ASTN2: variants seen among roughly 807,000 people sequenced by gnomAD.
ASTN2 encodes the protein astrotactin 2.
Under a neutral mutation model 139.8 loss-of-function variants are expected in ASTN2, and 54 were observed. That is an observed-to-expected ratio of 0.39 (90% CI 0.31 to 0.48). The LOEUF (loss-of-function observed/expected upper bound fraction) is 0.48. Ranked by LOEUF, ASTN2 falls within the 20% of genes least tolerant of loss-of-function variation. The probability of loss-of-function intolerance (pLI) is 0.95; values close to 1 mark genes in which losing one functional copy is unlikely to be tolerated. For synonymous variants in ASTN2, 756 were observed against 719.5 expected (o/e 1.05, Z -0.81); for missense variants, 1,565 against 1,725.1 (o/e 0.91, Z 1.64).
intron 2 of ASTN2, among the ~76,000 whole-genome samples, chr9:117,219,003 C>A (rs1336301032): frequency 1.3e-5 from 2 of 152,088 alleles, no homozygotes; most frequent in Non-Finnish European, 1.5e-5. Context: ...TTCATGGTAC[C>A]CCCTATAGGC....
intron 19 of ASTN2, among the ~76,000 whole-genome samples, chr9:116,515,486 G>A (rs59742739): frequency 1.3e-5 from 2 of 152,126 alleles, no homozygotes. Context: ...CTTTGATCAG[G>A]ACCAGGTTGC....
At chr9:116,739,684 A>T (rs915221915) in intron 13 of ASTN2, among the ~76,000 whole-genome samples, 1 of 152,202 alleles carries the variant, frequency 6.6e-6, no homozygotes, top group African/African-American at 2.4e-5. Context: ...CTTGTTGGAC[A>T]CCTGTCTTTC....
intron 4 of ASTN2, among the ~76,000 whole-genome samples, chr9:117,128,623 G>A (rs1829758808): frequency 1.3e-5 from 2 of 152,140 alleles, no homozygotes; most frequent in East Asian, 1.9e-4. Context: ...TGCCATCTTT[G>A]TTTCAAAGTT....
intron 10 of ASTN2, among the ~76,000 whole-genome samples, chr9:116,947,195 G>A (rs977577502): frequency 7.9e-5 from 12 of 152,180 alleles, no homozygotes; most frequent in African/African-American, 2.2e-4. Context: ...CCTGTTGGAC[G>A]TGGGGCATTT....
At chr9:116,464,349 T>C (rs1332053233) in intron 20 of ASTN2, among the ~76,000 whole-genome samples, 1 of 152,126 alleles carries the variant, frequency 6.6e-6, no homozygotes. Flanking sequence ...TTTGTGAGGA[T>C]TATTTGTTTG....
chr9:117,283,633 T>A (rs765698607), intron 2 of ASTN2, among the ~76,000 whole-genome samples: 1 of 152,182 alleles, frequency 6.6e-6, no homozygotes, highest in South Asian at 2.1e-4. Context: ...GACACATAAC[T>A]ATTTGTGCTG....
intron 10 of ASTN2, among the ~76,000 whole-genome samples, chr9:116,903,896 G>T (rs1387944449): frequency 6.6e-6 from 1 of 152,174 alleles, no homozygotes; most frequent in East Asian, 1.9e-4. Flanking sequence ...GCAAGAAGGG[G>T]CCAGCTCTCA....
intron 10 of ASTN2, among the ~76,000 whole-genome samples, chr9:116,883,541 A>G (rs1833510765): frequency 1.3e-5 from 2 of 152,188 alleles, no homozygotes; most frequent in African/African-American, 4.8e-5. Flanking sequence ...TTTTGAGTTA[A>G]GGTGTCTTGT....
chr9:116,567,041 T>G (rs769126977), intron 19 of ASTN2, among the ~76,000 whole-genome samples: 1 of 152,220 alleles, frequency 6.6e-6, no homozygotes, highest in Non-Finnish European at 1.5e-5. Context: ...ATCCTCAATG[T>G]ACATATGAAG....
chr9:117,217,341 T>C (rs1311453824), intron 2 of ASTN2, among the ~76,000 whole-genome samples: 2 of 152,062 alleles, frequency 1.3e-5, no homozygotes, highest in Non-Finnish European at 2.9e-5. Context: ...TCTTACATGG[T>C]TCCTGGGCCT....
chr9:116,528,319 C>T (rs949571118), intron 19 of ASTN2, among the ~76,000 whole-genome samples: 1 of 152,150 alleles, frequency 6.6e-6, no homozygotes, highest in African/African-American at 2.4e-5. Flanking sequence ...CCCTAGAGAT[C>T]TGTGGAACTC....
intron 4 of ASTN2, among the ~76,000 whole-genome samples, chr9:117,140,679 GAGA>G (rs1830053978): frequency 6.8e-6 from 1 of 147,950 alleles, no homozygotes; most frequent in Non-Finnish European, 1.5e-5. Flanking sequence ...AGAAGAGAAG[GAGA>G]AGGAGAAGGA....
intron 4 of ASTN2, among the ~76,000 whole-genome samples, chr9:117,113,620 C>T (rs140844419): frequency 0.021 from 3,190 of 152,144 alleles, 103 homozygotes; most frequent in African/African-American, 0.073. Flanking sequence ...CGCACCATTG[C>T]GCTCCAGCCT....
chr9:117,114,180 A>T (rs564099729), intron 4 of ASTN2, among the ~76,000 whole-genome samples: 2,189 of 149,990 alleles, frequency 0.015, 25 homozygotes, highest in Non-Finnish European at 0.022. Context: ...TTTTTTTTTA[A>T]AAAAAAAGTC....
chr9:117,251,988 C>A (rs7045791), intron 2 of ASTN2, among the ~76,000 whole-genome samples: 151,291 of 152,340 alleles, frequency 0.99, 75,132 homozygotes, highest in Middle Eastern at 1. Context: ...AATATTATGC[C>A]CAAAAGTGGC....
intron 19 of ASTN2, among the ~76,000 whole-genome samples, chr9:116,488,456 T>C (rs1849408922): frequency 6.6e-6 from 1 of 152,094 alleles, no homozygotes; most frequent in South Asian, 2.1e-4. Context: ...AAAATACAGA[T>C]ATGAACAAAA....
intron 5 of ASTN2, among the ~76,000 whole-genome samples, chr9:117,083,219 TA>T (rs939846121): frequency 1.8e-4 from 28 of 151,530 alleles, no homozygotes; most frequent in East Asian, 3.9e-4. Context: ...ATTATGCAAA[TA>T]AAAAAAAATG....
chr9:117,240,938 A>G (rs1265267766), intron 2 of ASTN2, among the ~76,000 whole-genome samples: 1 of 152,090 alleles, frequency 6.6e-6, no homozygotes, highest in East Asian at 1.9e-4. Context: ...ACACTCTCTC[A>G]ATGACTGTCT....
chr9:116,475,660 A>C (rs572503526), intron 20 of ASTN2, among the ~76,000 whole-genome samples: 1 of 152,284 alleles, frequency 6.6e-6, no homozygotes, highest in Admixed American at 6.5e-5. Flanking sequence ...AGCGTTCTTC[A>C]TGGTCATCAT....
Sources: allele counts gnomAD v4.1 joint callset (sites outside exome capture counted in the v4.1 genomes callset), GRCh38; gene constraint gnomAD v4.1.1; transcripts MANE v1.5; gene names NCBI Gene and HGNC (gene_info 2026-07-23, HGNC 2026-07-21).